MCMDC2: variants seen among roughly 807,000 people sequenced by gnomAD.
MCMDC2 encodes the protein minichromosome maintenance domain containing 2.
Under a neutral mutation model 75.8 loss-of-function variants are expected in MCMDC2, and 54 were observed. The observed-to-expected ratio is 0.71, with a 90% CI of 0.57 to 0.89. The LOEUF is 0.89. MCMDC2 is among the 40% of genes least tolerant of loss of function. The pLI, the probability that MCMDC2 is intolerant of heterozygous loss-of-function variation, is 0.00. For synonymous variants in MCMDC2, 249 were observed against 274.6 expected (o/e 0.91, Z 0.92); for missense variants, 656 against 780.4 (o/e 0.84, Z 1.90).
rs530730651 is a variant in MCMDC2, at chr8:66,917,489, G to T, written c.1880-1514G>T. On this transcript the variant is annotated intron_variant, in intron 14 of 14. Transcript: ENST00000422365. ...AGTACATTCACATTCACACTGTTGG[G>T]CAACCATCACCACCCTTCGTCGCCA... 9.1e-4 allele frequency among the ~76,000 whole-genome samples: 139 copies of T among 152,220 alleles called. 1 individual carries two copies. The highest frequency in any genetic ancestry group is 4.3e-3 in the Admixed American group (66 of 15,284).
intron 1 of MCMDC2, among the ~76,000 whole-genome samples, 191 bp downstream of exon 1, chr8:66,871,022 C>G (rs1287420915): frequency 6.6e-6 from 1 of 152,208 alleles, no homozygotes; most frequent in African/African-American, 2.4e-5. Context: ...CGCGCCTGTT[C>G]CACGTGCAGC....
At chr8:66,877,898 T>C (rs1193023517) in intron 5 of MCMDC2, among the ~76,000 whole-genome samples, 2 of 151,938 alleles carry the variant, frequency 1.3e-5, no homozygotes, top group African/African-American at 4.8e-5. Flanking sequence ...AACAATTTAT[T>C]GTTTAATCCT....
At chr8:66,889,473 G>A (rs1811996641) in intron 9 of MCMDC2, among the ~76,000 whole-genome samples, 1 of 152,002 alleles carries the variant, frequency 6.6e-6, no homozygotes, top group Non-Finnish European at 1.5e-5. Context: ...CAGCTTGTAC[G>A]ACAGAGCGAG....
At chr8:66,873,160 T>G (rs1811107140) in intron 1 of MCMDC2, among the ~76,000 whole-genome samples, 1 of 152,192 alleles carries the variant, frequency 6.6e-6, no homozygotes, top group Non-Finnish European at 1.5e-5. Context: ...GTATTTGCTG[T>G]CTTTCAATGA....
intron 6 of MCMDC2, 26 bp from the exon 7 acceptor site, chr8:66,878,789 A>G: frequency 6.7e-7 from 1 of 1,492,818 alleles, no homozygotes; most frequent in Non-Finnish European, 9.1e-7. Flanking sequence ...TCTAATATCT[A>G]ATTATTTTTT....
rs1202883247 is a variant in MCMDC2 at position 66,883,851 on chromosome 8, A to G, written c.930A>G (p.Ala310=). ...CAGCAATACTTGCCAATATCTTTGCATCACAAATTACCCCTCCTGGGACTT... is the reference window on the plus strand; with the variant it reads ...CAGCAATACTTGCCAATATCTTTGCGTCACAAATTACCCCTCCTGGGACTT... ...KFTAILANIF[A]SQITPPGTYN... Residue 310 remains alanine (A), a synonymous_variant, in exon 9 of 15, where the codon GCA becomes GCG. Coordinates refer to ENST00000422365, the MANE Select transcript of MCMDC2 (RefSeq NM_173518.5). 2.5e-6 allele frequency: 4 copies of G among 1,614,004 alleles called. No homozygotes were observed. The highest frequency in any genetic ancestry group is 3.4e-6 in the Non-Finnish European group (4 of 1,179,968).
chr8:66,919,110 C>T lies in MCMDC2; in HGVS notation c.1987C>T (p.Leu663=). The change falls in exon 15 of 15, where the codon CTG becomes TTG. Residue 663 remains leucine, a synonymous_variant. Coordinates refer to ENST00000422365, the MANE Select transcript of MCMDC2 (RefSeq NM_173518.5). ...CTATCTGACTCAGTGCCAACAACAGCTGGAACAATTTATTGCCACATATGG... is the reference window on the plus strand; with the variant it reads ...CTATCTGACTCAGTGCCAACAACAGTTGGAACAATTTATTGCCACATATGG... ...DLYLTQCQQQ[L]EQFIATYGPG... 1 of 1,550,586 alleles carries T rather than the reference C, an allele frequency of 6.4e-7. No individual in the cohort carries two copies. Among genetic ancestry groups the T allele is most frequent in the African/African-American group, 1.4e-5 (1 of 73,118 alleles).
chr8:66,918,266 C>T (rs1207430627), intron 14 of MCMDC2, among the ~76,000 whole-genome samples: 3 of 148,532 alleles, frequency 2.0e-5, no homozygotes, highest in Admixed American at 6.8e-5. Context: ...GATTTATAGA[C>T]CCCTTTATCA....
chr8:66,919,167 T>C lies in MCMDC2; in HGVS notation c.2044T>C (p.Ter682GlnextTer3). The C allele has an allele frequency of 2.6e-6, 4 of 1,535,396 alleles. No homozygotes were observed. Among genetic ancestry groups the C allele is most frequent in the Non-Finnish European group, 3.5e-6 (4 of 1,141,926 alleles). Reference protein sequence around the residue: ...PGTTIFSSDE* With the variant: ...PGTTIFSSDEQ Reference sequence around the variant, plus strand: ...GACAACTATTTTCTCTAGTGATGAATAAGCAATTTGAGGAATTTTTGTTCA... The same window carrying C: ...GACAACTATTTTCTCTAGTGATGAACAAGCAATTTGAGGAATTTTTGTTCA... The change falls in exon 15 of 15, where the codon TAA becomes CAA. Residue 682 changes from the stop codon to glutamine (Q), a stop_lost. Transcript: ENST00000422365.
At chr8:66,872,566 A>G (rs1225267695) in intron 1 of MCMDC2, among the ~76,000 whole-genome samples, 1 of 151,612 alleles carries the variant, frequency 6.6e-6, no homozygotes, top group Admixed American at 6.6e-5. Flanking sequence ...CTCTCACTGC[A>G]CTCTTTCTGA....
intron 9 of MCMDC2, among the ~76,000 whole-genome samples, chr8:66,887,549 CAAAAA>C (rs1323844896): frequency 6.6e-6 from 1 of 151,534 alleles, no homozygotes. Context: ...GACCCTGTCT[CAAAAA>C]AGAAAAAAGA....
chr8:66,896,945 G>A lies in MCMDC2; in HGVS notation c.1612G>A (p.Glu538Lys), dbSNP rs776666410. Residue 538 changes from glutamate to lysine, a missense_variant, in exon 12 of 15, where the codon GAA becomes AAA. Physicochemically the swap from Glu to Lys is moderately conservative, Grantham distance 56. Transcript: ENST00000422365. ...TGCGGCTTCTAGACAGTTCACAACT[G>A]AAGATTTTGAAAAGGTAAAGGTGGA... ...FYAASRQFTT[E>K]DFEKLLAFAK... 6.3e-7 allele frequency: 1 copy of A among 1,599,600 alleles called. No individual in the cohort carries two copies. The highest frequency in any genetic ancestry group is 1.1e-5 in the South Asian group (1 of 88,468).
At chr8:66,924,685 C>G (rs1003046315), downstream of MCMDC2, among the ~76,000 whole-genome samples, 4 of 152,022 alleles carry the variant, frequency 2.6e-5, no homozygotes, top group Admixed American at 2.6e-4. Flanking sequence ...TCCCAGCCTC[C>G]CAGTTGCTGA....
At chr8:66,902,139 G>A (rs921735840) in intron 13 of MCMDC2, among the ~76,000 whole-genome samples, 2 of 151,750 alleles carry the variant, frequency 1.3e-5, no homozygotes, top group Non-Finnish European at 2.9e-5. Context: ...GAACAGCCTG[G>A]GCAACATAGT....
chr8:66,918,883 C>G (rs1435326027), intron 14 of MCMDC2, 120 bp from the exon 15 acceptor site: 5 of 845,580 alleles, frequency 5.9e-6, no homozygotes, highest in Non-Finnish European at 6.8e-6. Context: ...TTCACAGAAC[C>G]ACATGGGCTC....
chr8:66,877,591 A>C, intron 5 of MCMDC2, 47 bp downstream of exon 5: 1 of 1,415,100 alleles, frequency 7.1e-7, no homozygotes, highest in Non-Finnish European at 9.6e-7. Context: ...TTGGCTAGGC[A>C]TGGTGGCTCA....
downstream of MCMDC2, chr8:66,922,432 C>T (rs1411172910): frequency 7.9e-6 from 4 of 505,808 alleles, no homozygotes; most frequent in African/African-American, 1.9e-5. Flanking sequence ...AAATTATTGC[C>T]TTACATACAT....
chr8:66,889,416 G>A (rs971664144), intron 9 of MCMDC2, among the ~76,000 whole-genome samples: 2 of 152,156 alleles, frequency 1.3e-5, no homozygotes, highest in African/African-American at 4.8e-5. Flanking sequence ...GATTGCATGA[G>A]TCCAGGAGTT....
chr8:66,883,657 A>G lies in MCMDC2; in HGVS notation c.836-100A>G, dbSNP rs190086431. ...AAAAAAAGAATATGGTATTATTGGA[A>G]CTATAATTTGATAACATTTTAGATA... On this transcript the variant is annotated intron_variant, in intron 8 of 14. Transcript: ENST00000422365. 8.9e-5 allele frequency: 60 copies of G among 670,908 alleles called. 1 individual carries two copies. The highest frequency in any genetic ancestry group is 5.1e-6 in the Non-Finnish European group (2 of 393,372). 41.6% of individuals were successfully genotyped at this position (670,908 alleles called of 1,614,324 possible).
Sources: allele counts gnomAD v4.1 joint callset (sites outside exome capture counted in the v4.1 genomes callset), GRCh38; gene constraint gnomAD v4.1.1; transcripts MANE v1.5; gene names NCBI Gene and HGNC (gene_info 2026-07-23, HGNC 2026-07-21).